Variants in CTNND2 observed in about 807,000 individuals in gnomAD.
CTNND2 encodes the protein catenin delta-2.
In CTNND2, 22 loss-of-function variants were observed where a neutral mutation model predicts 144.4. The observed-to-expected ratio is 0.15, with a 90% CI of 0.11 to 0.22. CTNND2 has a LOEUF of 0.22. CTNND2 is among the 10% of genes least tolerant of loss of function. The pLI, the probability that CTNND2 is intolerant of heterozygous loss-of-function variation, is 1.00. For synonymous variants in CTNND2, 751 were observed against 695.6 expected, an observed-to-expected ratio of 1.08 and a Z score of -1.25; for missense variants, 1,353 against 1,618.8, an observed-to-expected ratio of 0.84 and a Z score of 2.82.
At position 10,973,596 on chromosome 5, in the gene CTNND2, G is replaced by A. The variant is rs759309910; in HGVS notation, c.3535C>T (p.Arg1179Cys). Reference sequence around the variant, plus strand: ...ATGGTGTACTCGCTGGCGGGAGGGCGATGGTGGACCTGGTCCTCGAAGAAG... The same window carrying A: ...ATGGTGTACTCGCTGGCGGGAGGGCAATGGTGGACCTGGTCCTCGAAGAAG... The part of the protein sequence containing the change: ...ESFFEDQVHH[R>C]PPASEYTMHL... Residue 1179 changes from arginine (R) to cysteine (C), a missense_variant, in exon 22 of 22, where the codon CGC becomes TGC. This residue lies in a region of CTNND2 where 459 missense variants were observed against 674.3 expected (regional missense o/e 0.68). Transcript: ENST00000304623. This position sits in a 1 kb window ranked among gnomAD's most constrained non-coding sequence, Gnocchi z 5.6. 11 of 1,614,060 alleles carry A rather than the reference G, an allele frequency of 6.8e-6. No individual in the cohort carries two copies. Among genetic ancestry groups the A allele is most frequent in the East Asian group, 2.2e-5 (1 of 44,882 alleles).
chr5:11,757,717 G>A (rs995983037), intron 1 of CTNND2, among the ~76,000 whole-genome samples: 9 of 151,902 alleles, frequency 5.9e-5, no homozygotes, highest in African/African-American at 2.2e-4. Context: ...TGTAGAGTCC[G>A]TTAGACAAAA....
chr5:11,621,949 A>G (rs1205797267), intron 2 of CTNND2, among the ~76,000 whole-genome samples: 1 of 152,192 alleles, frequency 6.6e-6, no homozygotes, highest in East Asian at 1.9e-4. Flanking sequence ...TATAATACAC[A>G]AACAAAATAC....
intron 8 of CTNND2, among the ~76,000 whole-genome samples, chr5:11,350,027 C>T (rs1317772529): frequency 6.6e-6 from 1 of 152,124 alleles, no homozygotes; most frequent in Non-Finnish European, 1.5e-5. Context: ...ATCCCAGCTA[C>T]TAGTGAGGCT....
At chr5:11,270,108 T>G (rs1027055500) in intron 9 of CTNND2, among the ~76,000 whole-genome samples, 1 of 152,196 alleles carries the variant, frequency 6.6e-6, no homozygotes, top group African/African-American at 2.4e-5. Flanking sequence ...TTGAGTCCAC[T>G]TCCCATGAAT....
At chr5:11,362,481 T>A (rs1756566019) in intron 8 of CTNND2, among the ~76,000 whole-genome samples, 1 of 152,146 alleles carries the variant, frequency 6.6e-6, no homozygotes, top group African/African-American at 2.4e-5. Context: ...AGACAGAGTT[T>A]GCGGCTTTAT....
chr5:11,619,614 T>C (rs1007044422), intron 2 of CTNND2, among the ~76,000 whole-genome samples: 2 of 152,158 alleles, frequency 1.3e-5, no homozygotes, highest in African/African-American at 4.8e-5. Context: ...ATAAATATAT[T>C]TTAAATTTCT....
intron 15 of CTNND2, among the ~76,000 whole-genome samples, chr5:11,086,109 G>A (rs1750107960): frequency 6.6e-6 from 1 of 152,116 alleles, no homozygotes; most frequent in Non-Finnish European, 1.5e-5. Context: ...AAGGACCCAG[G>A]GCTGCAGAGG....
chr5:11,764,140 A>G (rs929059981), intron 1 of CTNND2, among the ~76,000 whole-genome samples: 2 of 152,098 alleles, frequency 1.3e-5, no homozygotes, highest in African/African-American at 4.8e-5. Context: ...TGACAAAGGA[A>G]GAAGGAATGA....
At chr5:11,149,321 TACATTGTTGTTCCAAAATAAGGGCAGGCA>T (rs1305877368) in intron 12 of CTNND2, among the ~76,000 whole-genome samples, 1 of 152,164 alleles carries the variant, frequency 6.6e-6, no homozygotes, top group African/African-American at 2.4e-5. Context: ...AATTGGCAAT[TACATTGTTGTTCCAAAATAAGGGCAGGCA>T]ACATGTAACC....
intron 2 of CTNND2, among the ~76,000 whole-genome samples, chr5:11,663,026 T>C (rs947312077): frequency 2.0e-5 from 3 of 152,170 alleles, no homozygotes; most frequent in African/African-American, 7.2e-5. Flanking sequence ...GAATGAGAAG[T>C]GAGGAAGGCA....
intron 2 of CTNND2, among the ~76,000 whole-genome samples, chr5:11,643,783 A>G (rs1262238995): frequency 1.3e-5 from 2 of 151,940 alleles, no homozygotes; most frequent in African/African-American, 4.8e-5. Context: ...AAAATGCACT[A>G]ATGTAATTAA....
chr5:11,426,029 C>T (rs1762747641), intron 3 of CTNND2, among the ~76,000 whole-genome samples: 1 of 152,050 alleles, frequency 6.6e-6, no homozygotes, highest in Non-Finnish European at 1.5e-5. Context: ...AGCCAGAATC[C>T]TTTTTTTCCC....
chr5:11,128,741 T>TTA (rs1554049705), intron 12 of CTNND2, among the ~76,000 whole-genome samples: 4 of 61,980 alleles, frequency 6.5e-5, no homozygotes, highest in Admixed American at 5.1e-4. Flanking sequence ...ATATATATAT[T>TTA]TATATATATT....
chr5:11,516,319 G>A (rs1772163447), intron 3 of CTNND2, among the ~76,000 whole-genome samples: 1 of 151,548 alleles, frequency 6.6e-6, no homozygotes, highest in Non-Finnish European at 1.5e-5. Context: ...AGGAAGTCCT[G>A]GACGAGGCAA....
chr5:11,697,790 CT>C (rs1238216105), intron 2 of CTNND2, among the ~76,000 whole-genome samples: 1 of 152,166 alleles, frequency 6.6e-6, no homozygotes, highest in African/African-American at 2.4e-5. Context: ...GTGACAGTCA[CT>C]TAGGCGGGCA....
Position 10,981,786 on chromosome 5 carries a change from A to C in CTNND2, c.3404T>G (p.Ile1135Ser), listed in dbSNP as rs1308572285. Residue 1135 changes from isoleucine (I) to serine (S), a missense_variant, in exon 21 of 22, where the codon ATC becomes AGC. Ile to Ser is a moderately radical substitution (Grantham distance 142). Transcript: ENST00000304623. ...CATTTACTTTACCTGGTTGTGTTTG[A>C]TGTCTTCAGCGGGCGCACCATAAGA... ...RNSYGAPAED[I>S]KHNQVSAQPV... The C allele has an allele frequency of 1.9e-6, 3 of 1,613,844 alleles. No individual in the cohort carries two copies. In the Admixed American group the frequency reaches 5.0e-5, roughly 27 times the overall value.
intron 1 of CTNND2, among the ~76,000 whole-genome samples, chr5:11,882,476 C>T (rs1445016237): frequency 6.7e-6 from 1 of 150,088 alleles, no homozygotes; most frequent in Non-Finnish European, 1.5e-5. Context: ...CTAGTTTATA[C>T]CGAAGAATCT....
intron 15 of CTNND2, among the ~76,000 whole-genome samples, chr5:11,091,193 T>C (rs1750733269): frequency 6.6e-6 from 1 of 152,228 alleles, no homozygotes; most frequent in Non-Finnish European, 1.5e-5. Context: ...TGTACCTTTC[T>C]TTTTTCTTTC....
chr5:11,111,001 G>A lies in CTNND2; in HGVS notation c.2320C>T (p.Arg774Trp), dbSNP rs1280207424. 2.5e-6 allele frequency: 4 copies of A among 1,614,050 alleles called. No individual in the cohort carries two copies. Among genetic ancestry groups the A allele is most frequent in the Non-Finnish European group, 3.4e-6 (4 of 1,179,964 alleles). ...CCCTGAGACGTTTCTGCCGCCAGCCGGTACGAGAGGTTCCTTAAAATGCAC... is the reference window on the plus strand; with the variant it reads ...CCCTGAGACGTTTCTGCCGCCAGCCAGTACGAGAGGTTCCTTAAAATGCAC... The part of the protein sequence containing the change: ...CVCILRNLSY[R>W]LAAETSQGQH... The change falls in exon 14 of 22, where the codon CGG becomes TGG. Residue 774 changes from arginine to tryptophan, a missense_variant. Transcript: ENST00000304623.
Sources: gnomAD v4.1 joint callset for allele counts (sites outside exome capture counted in the v4.1 genomes callset) on GRCh38, gnomAD v4.1.1 for gene constraint, gnomAD v4.1.1 regional missense constraint, Gnocchi (gnomAD v3.1) non-coding constraint, MANE v1.5 for transcripts, NCBI Gene and HGNC (gene_info 2026-07-23, HGNC 2026-07-21) for gene names.